Variants in WASF1 observed in about 807,000 individuals in gnomAD.
The protein encoded by WASF1 is WASP family member 1.
Under a neutral mutation model 50.5 loss-of-function variants are expected in WASF1, and 7 were observed. That is an observed-to-expected ratio of 0.14 (90% CI 0.08 to 0.26). The LOEUF (loss-of-function observed/expected upper bound fraction) is 0.26, where lower values mean the gene tolerates loss of function less well. Ranked by LOEUF, WASF1 falls within the 10% of genes least tolerant of loss-of-function variation. The pLI is 1.00. For missense variants in WASF1, 470 were observed against 694.7 expected (o/e 0.68, Z 3.64); for synonymous variants, 205 against 244.0 (o/e 0.84, Z 1.49).
chr6:110,108,061 G>A (rs1485519950), intron 6 of WASF1, among the ~76,000 whole-genome samples: 1 of 142,984 alleles, frequency 7.0e-6, no homozygotes, highest in East Asian at 2.2e-4. Context: ...TACTCGGTAG[G>A]CTGAGGCAGG....
At chr6:110,149,284 T>C (rs1288036170) in intron 3 of WASF1, among the ~76,000 whole-genome samples, 1 of 151,644 alleles carries the variant, frequency 6.6e-6, no homozygotes. Flanking sequence ...GAAGGATAAA[T>C]CTTAGATTTA....
At chr6:110,112,622 C>G (rs542386803) in intron 5 of WASF1, among the ~76,000 whole-genome samples, 3 of 152,076 alleles carry the variant, frequency 2.0e-5, no homozygotes, top group Admixed American at 6.5e-5. Flanking sequence ...AGTTACATAG[C>G]CAGGTGTAGT....
chr6:110,165,889 C>T (rs567464794), intron 2 of WASF1, among the ~76,000 whole-genome samples: 3 of 151,808 alleles, frequency 2.0e-5, no homozygotes, highest in Non-Finnish European at 4.4e-5. Flanking sequence ...CCTTAGTTCT[C>T]GTGCACCCTT....
intron 4 of WASF1, among the ~76,000 whole-genome samples, chr6:110,119,797 T>C (rs1774004755): frequency 6.6e-6 from 1 of 152,172 alleles, no homozygotes; most frequent in Non-Finnish European, 1.5e-5. Flanking sequence ...CTCAATAAAA[T>C]ACTGGCAAAC....
chr6:110,140,854 G>A (rs1389140169), intron 3 of WASF1, among the ~76,000 whole-genome samples: 1 of 152,118 alleles, frequency 6.6e-6, no homozygotes, highest in Non-Finnish European at 1.5e-5. Context: ...GTTAAGCTAT[G>A]TCAGAAGGAG....
intron 3 of WASF1, among the ~76,000 whole-genome samples, chr6:110,140,652 A>G (rs987122811): frequency 1.6e-4 from 24 of 152,106 alleles, no homozygotes; most frequent in African/African-American, 5.6e-4. Flanking sequence ...TGCGGGGAAA[A>G]ACCCCACACA....
At chr6:110,124,274 C>CTATATATATATATATATATATA (rs35703116) in intron 4 of WASF1, among the ~76,000 whole-genome samples, 1 of 20,502 alleles carries the variant, frequency 4.9e-5, no homozygotes, top group African/African-American at 2.7e-4. Context: ...CTCTCTCTCT[C>CTATATATATATATATATATATA]TATATATATA....
intron 3 of WASF1, among the ~76,000 whole-genome samples, 172 bp from the exon 4 acceptor site, chr6:110,127,801 G>A (rs1011687882): frequency 9.9e-5 from 15 of 152,080 alleles, no homozygotes; most frequent in African/African-American, 3.6e-4. Flanking sequence ...TGAGACAGCA[G>A]GACAAACCCC....
intron 3 of WASF1, among the ~76,000 whole-genome samples, chr6:110,130,887 T>C (rs1010837001): frequency 6.6e-5 from 10 of 152,128 alleles, no homozygotes; most frequent in African/African-American, 2.4e-4. Flanking sequence ...CTAGCTGTTC[T>C]TGAGGGTATG....
chr6:110,141,659 T>C lies in WASF1; in HGVS notation c.-28-14030A>G, dbSNP rs1775241928. Among the ~76,000 whole-genome samples, 4 of 152,100 alleles carry C rather than the reference T, an allele frequency of 2.6e-5. 1 individual carries two copies. In the South Asian group the frequency reaches 8.3e-4, roughly 31 times the overall value. Reference sequence around the variant, plus strand: ...GTATCTCCAAGATCTAGAACACAGATGTTCAACAGCTAATCAATAAATAAA... The same window carrying C: ...GTATCTCCAAGATCTAGAACACAGACGTTCAACAGCTAATCAATAAATAAA... On this transcript the variant is annotated intron_variant, in intron 3 of 10. Coordinates refer to ENST00000392589, the MANE Select transcript of WASF1 (RefSeq NM_003931.3).
intron 3 of WASF1, among the ~76,000 whole-genome samples, chr6:110,133,195 T>A (rs576986318): frequency 1.3e-5 from 2 of 152,266 alleles, no homozygotes; most frequent in African/African-American, 4.8e-5. Context: ...TTTGTGCTGC[T>A]ATATACATAC....
At position 110,102,223 on chromosome 6, in the gene WASF1, T is replaced by A. The variant is rs1452456501; in HGVS notation, c.894-7A>T. ...TATCAAACCTGTAGCAGAACTGAAATGACAAAGAGATTCTAGCAAGTTATT... is the reference window on the plus strand; with the variant it reads ...TATCAAACCTGTAGCAGAACTGAAAAGACAAAGAGATTCTAGCAAGTTATT... On this transcript the variant is annotated splice_polypyrimidine_tract_variant and splice_region_variant and intron_variant, in intron 9 of 10. Coordinates refer to ENST00000392589, the MANE Select transcript of WASF1 (RefSeq NM_003931.3). The A allele has an allele frequency of 7.2e-7, 1 of 1,381,220 alleles. No individual in the cohort carries two copies. The highest frequency in any genetic ancestry group is 9.4e-7 in the Non-Finnish European group (1 of 1,062,158). 85.6% of individuals were successfully genotyped at this position (1,381,220 alleles called of 1,614,324 possible).
rs1395787675 is a variant in WASF1, at chr6:110,162,281, C to A, written c.-126-1549G>T. On this transcript the variant is annotated intron_variant, in intron 2 of 10. Transcript: ENST00000392589. ...CGACTCTGACCTAATCACAACTTAA[C>A]TTTTTCATTATTCAGCATTCTCAAA... Among the ~76,000 whole-genome samples, 11 of 151,228 alleles carry A rather than the reference C, an allele frequency of 7.3e-5. No individual in the cohort carries two copies. The South Asian group carries it at 1.9e-3, about 26-fold the overall frequency.
intron 2 of WASF1, among the ~76,000 whole-genome samples, chr6:110,165,001 A>G (rs1776415541): frequency 6.6e-6 from 1 of 151,758 alleles, no homozygotes; most frequent in South Asian, 2.1e-4. Flanking sequence ...GCAAAACTAT[A>G]AAGGGTGAAA....
chr6:110,122,476 A>C (rs1243872532), intron 4 of WASF1, among the ~76,000 whole-genome samples: 1 of 152,130 alleles, frequency 6.6e-6, no homozygotes, highest in African/African-American at 2.4e-5. Flanking sequence ...GTTTTTGTAA[A>C]GTTACACCAG....
intron 3 of WASF1, among the ~76,000 whole-genome samples, chr6:110,135,067 T>C (rs1774884529): frequency 6.6e-6 from 1 of 152,222 alleles, no homozygotes; most frequent in African/African-American, 2.4e-5. Context: ...TAGTTTTCCT[T>C]GTAGAGGTCT....
chr6:110,146,636 T>C (rs1775576778), intron 3 of WASF1, among the ~76,000 whole-genome samples: 2 of 152,132 alleles, frequency 1.3e-5, no homozygotes, highest in African/African-American at 4.8e-5. Flanking sequence ...TGCAAGGTTA[T>C]TGTTTAGAAG....
intron 10 of WASF1, among the ~76,000 whole-genome samples, chr6:110,101,151 T>C (rs1224771214): frequency 6.6e-6 from 1 of 152,198 alleles, no homozygotes; most frequent in African/African-American, 2.4e-5. Context: ...GAGAAGTCTT[T>C]CCTTTGTTAC....
intron 4 of WASF1, among the ~76,000 whole-genome samples, chr6:110,118,582 C>T (rs1773924069): frequency 6.6e-6 from 1 of 151,980 alleles, no homozygotes; most frequent in Non-Finnish European, 1.5e-5. Flanking sequence ...TAGACTTCTG[C>T]ACAATAATAA....
Sources: allele counts gnomAD v4.1 joint callset (sites outside exome capture counted in the v4.1 genomes callset), GRCh38; gene constraint gnomAD v4.1.1; transcripts MANE v1.5; gene names NCBI Gene and HGNC (gene_info 2026-07-23, HGNC 2026-07-21).